EXOC4: variants seen among roughly 807,000 people sequenced by gnomAD.
EXOC4 encodes SEC8-like 1.
Under a neutral mutation model 107.2 loss-of-function variants are expected in EXOC4, and 71 were observed. The observed-to-expected ratio is 0.66, with a 90% CI of 0.55 to 0.81. EXOC4 has a LOEUF of 0.81. Among genes scored for constraint, EXOC4 ranks in the 30% least tolerant of loss-of-function variants. The pLI is 0.00. For missense variants in EXOC4, 1,108 were observed against 1,189.6 expected (o/e 0.93, Z 1.01); for synonymous variants, 456 against 441.2 (o/e 1.03, Z -0.42).
chr7:134,083,003 C>T, the EXOC4 span, among the ~76,000 whole-genome samples: 4 of 152,200 alleles, frequency 2.6e-5, no homozygotes. Flanking sequence ...AGGGAGTAAG[C>T]ACTCTCATAG....
chr7:133,616,595 T>C (rs766039447), intron 9 of EXOC4, among the ~76,000 whole-genome samples: 11 of 152,148 alleles, frequency 7.2e-5, no homozygotes, highest in Non-Finnish European at 1.5e-4. Flanking sequence ...TTCCTTTGCA[T>C]TGGGTAATTT....
intron 9 of EXOC4, among the ~76,000 whole-genome samples, chr7:133,515,332 TACACAC>T (rs143017406): frequency 6.7e-6 from 1 of 150,010 alleles, no homozygotes; most frequent in African/African-American, 2.5e-5. Flanking sequence ...CAAGTGTGCA[TACACAC>T]ACACACACAC....
chr7:133,862,375 C>G (rs1490526311), intron 11 of EXOC4, among the ~76,000 whole-genome samples: 1 of 151,890 alleles, frequency 6.6e-6, no homozygotes, highest in African/African-American at 2.4e-5. Flanking sequence ...CCCAGCTACT[C>G]AGAAGGCTGA....
At chr7:133,855,166 T>TA (rs1258718264) in intron 11 of EXOC4, among the ~76,000 whole-genome samples, 16 of 99,098 alleles carry the variant, frequency 1.6e-4, no homozygotes, top group African/African-American at 2.2e-4. Context: ...AATATATATA[T>TA]TTTTTTTATC....
chr7:133,487,390 TTTATA>T (rs1218400490), intron 9 of EXOC4, among the ~76,000 whole-genome samples: 9 of 152,326 alleles, frequency 5.9e-5, no homozygotes, highest in Admixed American at 2.0e-4. Flanking sequence ...TTTCTCTACA[TTTATA>T]TTATATGGTT....
rs368840627 is a variant in EXOC4 at position 133,317,270 on chromosome 7, C to T, written c.657-14C>T. 1.4e-4 allele frequency: 230 copies of T among 1,592,324 alleles called. 2 individuals carry two copies. In the South Asian group the frequency reaches 2.4e-3, roughly 16 times the overall value. On this transcript the variant is annotated splice_polypyrimidine_tract_variant and intron_variant, in intron 4 of 17. Coordinates refer to ENST00000253861, the MANE Select transcript of EXOC4 (RefSeq NM_021807.4). ...TTGAAGAAAGTGGTAACTAGTGCTT[C>T]TTTTCCCGTTCAGCTCCCTCGTGAA...
intron 10 of EXOC4, among the ~76,000 whole-genome samples, chr7:133,713,025 T>C (rs940480364): frequency 4.6e-5 from 7 of 152,264 alleles, no homozygotes; most frequent in African/African-American, 1.7e-4. Context: ...GTTTTGGAAA[T>C]AGAGAGAGGT....
intron 11 of EXOC4, among the ~76,000 whole-genome samples, chr7:133,834,204 C>G (rs1392975025): frequency 6.6e-6 from 1 of 152,044 alleles, no homozygotes; most frequent in Non-Finnish European, 1.5e-5. Context: ...TTCCCTTTTT[C>G]TCCTTTTTTT....
chr7:134,022,346 G>A (rs1039298836), intron 17 of EXOC4, among the ~76,000 whole-genome samples: 3 of 152,194 alleles, frequency 2.0e-5, no homozygotes, highest in African/African-American at 7.2e-5. Context: ...AAGCACATGT[G>A]TGTGAGGAAG....
chr7:134,083,473 C>T, the EXOC4 span, among the ~76,000 whole-genome samples: 4 of 152,146 alleles, frequency 2.6e-5, no homozygotes, highest in African/African-American at 4.8e-5. Context: ...ATTTGAGGGG[C>T]GATCAGCTGG....
intron 1 of EXOC4, among the ~76,000 whole-genome samples, chr7:133,265,327 A>T (rs1199170750): frequency 6.6e-6 from 1 of 151,724 alleles, no homozygotes; most frequent in African/African-American, 2.4e-5. Flanking sequence ...TCTTTCCATT[A>T]TGTAGTTTAA....
At chr7:133,791,337 A>G (rs1028899449) in intron 10 of EXOC4, among the ~76,000 whole-genome samples, 2 of 152,240 alleles carry the variant, frequency 1.3e-5, no homozygotes, top group Non-Finnish European at 2.9e-5. Flanking sequence ...GGTTGGAGTT[A>G]TATCAACTCA....
intron 10 of EXOC4, among the ~76,000 whole-genome samples, chr7:133,658,878 T>C (rs1005218804): frequency 1.4e-4 from 22 of 152,064 alleles, no homozygotes; most frequent in African/African-American, 5.3e-4. Context: ...TGGCTGCATG[T>C]TGATATTGTT....
chr7:134,066,794 CACAT>C (rs1408258921), downstream of EXOC4, among the ~76,000 whole-genome samples: 2 of 152,108 alleles, frequency 1.3e-5, no homozygotes, highest in African/African-American at 4.8e-5. Flanking sequence ...GCCCACGAAA[CACAT>C]ACACAGTTAC....
At chr7:133,303,945 C>G (rs1794698193) in intron 3 of EXOC4, among the ~76,000 whole-genome samples, 1 of 152,194 alleles carries the variant, frequency 6.6e-6, no homozygotes, top group Non-Finnish European at 1.5e-5. Flanking sequence ...AGGCACTGCG[C>G]TAAGTGTTTT....
chr7:133,649,467 C>CTTTTTTTT lies in EXOC4; in HGVS notation c.1514+19337_1514+19344dup. 2.3e-5 allele frequency among the ~76,000 whole-genome samples: 2 copies of CTTTTTTTT among 85,404 alleles called. 1 individual carries two copies. Among genetic ancestry groups the CTTTTTTTT allele is most frequent in the Non-Finnish European group, 4.7e-5 (2 of 42,754 alleles). The allele number at this position is 85,404 out of a possible 152,430, so 56.0% of individuals were successfully genotyped here. ...TGTGTGTGAAGCATTACTACTTTTT[C>CTTTTTTTT]TTTTTTTTTTTTTTTTTTAACCAGT... On this transcript the variant is annotated intron_variant, in intron 10 of 17. Transcript: ENST00000253861.
intron 17 of EXOC4, among the ~76,000 whole-genome samples, chr7:134,041,714 A>T (rs917298934): frequency 6.6e-6 from 1 of 152,204 alleles, no homozygotes; most frequent in East Asian, 1.9e-4. Context: ...AAAACTCCAT[A>T]AAGTTCCATT....
At chr7:134,048,787 T>C (rs1380436471) in intron 17 of EXOC4, among the ~76,000 whole-genome samples, 1 of 152,154 alleles carries the variant, frequency 6.6e-6, no homozygotes, top group Admixed American at 6.5e-5. Context: ...CTTCTCTCTT[T>C]GAGGTTGATT....
chr7:133,405,786 G>T (rs995959934), intron 7 of EXOC4, among the ~76,000 whole-genome samples: 3 of 152,140 alleles, frequency 2.0e-5, no homozygotes, highest in Non-Finnish European at 4.4e-5. Context: ...GTGAATATGC[G>T]CTTGGGAACT....
Sources: allele counts gnomAD v4.1 joint callset (sites outside exome capture counted in the v4.1 genomes callset), GRCh38; gene constraint gnomAD v4.1.1; transcripts MANE v1.5; gene names NCBI Gene and HGNC (gene_info 2026-07-23, HGNC 2026-07-21).